Variants in XRCC4 observed in about 807,000 individuals in gnomAD.
The protein encoded by XRCC4 is X-ray repair cross complementing 4, also known as DNA repair protein XRCC4.
XRCC4 carries 28 observed loss-of-function variants against 39.1 expected under a neutral mutation model. The ratio of observed to expected loss-of-function variants is 0.72; its 90% CI spans 0.53 to 0.98. XRCC4 has a LOEUF of 0.98. XRCC4 is among the 50% of genes least tolerant of loss of function. The pLI is 0.00. For synonymous variants in XRCC4, 123 were observed against 126.4 expected, an observed-to-expected ratio of 0.97 and a Z score of 0.18; for missense variants, 350 against 376.4, an observed-to-expected ratio of 0.93 and a Z score of 0.58.
chr5:83,267,156 A>G (rs1753984808), intron 7 of XRCC4, among the ~76,000 whole-genome samples: 1 of 152,196 alleles, frequency 6.6e-6, no homozygotes, highest in Non-Finnish European at 1.5e-5. Context: ...ATAAAATCAG[A>G]GAAGACTGAC....
Position 83,342,361 on chromosome 5 carries a change from ATG to A in XRCC4, c.894-10768_894-10767del, listed in dbSNP as rs1756787089. Among the ~76,000 whole-genome samples, 3 of 152,270 alleles carry A rather than the reference ATG, an allele frequency of 2.0e-5. No individual in the cohort carries two copies. The South Asian group carries it at 6.2e-4, about 32-fold the overall frequency. On this transcript the variant is annotated intron_variant, in intron 7 of 7. Coordinates refer to ENST00000396027, the MANE Select transcript of XRCC4 (RefSeq NM_003401.5). ...AATCTTATTTTTAAATCTGTAATAT[ATG>A]TATATTTTACAGGAAAATTTTAGAT...
At chr5:83,274,292 A>G (rs768358732) in intron 7 of XRCC4, among the ~76,000 whole-genome samples, 25 of 152,238 alleles carry the variant, frequency 1.6e-4, no homozygotes, top group Non-Finnish European at 2.8e-4. Flanking sequence ...TTAATAATTT[A>G]TAATCTAATT....
chr5:83,344,415 C>CTT lies in XRCC4; in HGVS notation c.894-8694_894-8693dup, dbSNP rs70973394. Among the ~76,000 whole-genome samples the CTT allele has an allele frequency of 5.0e-3, 581 of 115,194 alleles. 4 individuals carry two copies. Among genetic ancestry groups the CTT allele is most frequent in the African/African-American group, 9.4e-3 (257 of 27,242 alleles). The allele number at this position is 115,194 out of a possible 152,430, so 75.6% of individuals were successfully genotyped here. The stretch of plus-strand genomic sequence containing the variant: ...CCACACCCAGCTAATTTATTTTTCA[C>CTT]TTTTTTTTTTTTTTTTTTTTTTTGT... On this transcript the variant is annotated intron_variant, in intron 7 of 7. Transcript: ENST00000396027.
chr5:83,287,203 T>G (rs1468984532), intron 7 of XRCC4, among the ~76,000 whole-genome samples: 1 of 152,044 alleles, frequency 6.6e-6, no homozygotes, highest in Non-Finnish European at 1.5e-5. Context: ...GGGCATGAAT[T>G]TTGAAAAGAT....
chr5:83,290,018 CCAG>C (rs1279439644), intron 7 of XRCC4, among the ~76,000 whole-genome samples: 1 of 151,824 alleles, frequency 6.6e-6, no homozygotes, highest in Non-Finnish European at 1.5e-5. Flanking sequence ...CATTAAGTCT[CCAG>C]CAGTTCATTA....
chr5:83,320,524 T>A (rs57444376), intron 7 of XRCC4, among the ~76,000 whole-genome samples: 3,097 of 152,110 alleles, frequency 0.02, 109 homozygotes, highest in African/African-American at 0.07. Context: ...TGACTCCAAT[T>A]TTGAAAGAAG....
intron 1 of XRCC4, among the ~76,000 whole-genome samples, chr5:83,099,841 A>G (rs1018668845): frequency 1.1e-4 from 16 of 152,174 alleles, no homozygotes; most frequent in Admixed American, 1.0e-3. Flanking sequence ...CGTTTCTTCA[A>G]GTAGTCTTGG....
intron 7 of XRCC4, among the ~76,000 whole-genome samples, chr5:83,332,411 G>T (rs1561479538): frequency 1.3e-5 from 2 of 152,092 alleles, no homozygotes. Flanking sequence ...CATAGCATCT[G>T]TTTTAGATTG....
chr5:83,215,860 C>A (rs1273651520), intron 6 of XRCC4, among the ~76,000 whole-genome samples: 5 of 151,972 alleles, frequency 3.3e-5, no homozygotes, highest in Non-Finnish European at 5.9e-5. Flanking sequence ...ATAGCTAAAC[C>A]TATTAAAGAA....
At chr5:83,154,764 C>T (rs1561367618) in intron 3 of XRCC4, among the ~76,000 whole-genome samples, 1 of 151,992 alleles carries the variant, frequency 6.6e-6, no homozygotes, top group Admixed American at 6.6e-5. Flanking sequence ...TTGATATCTA[C>T]CCTTGACAAA....
chr5:83,372,077 G>A, the XRCC4 span, among the ~76,000 whole-genome samples: 1 of 152,126 alleles, frequency 6.6e-6, no homozygotes, highest in Non-Finnish European at 1.5e-5. Context: ...GCACTGGGGT[G>A]CAGGAAATCC....
chr5:83,172,204 C>G lies in XRCC4; in HGVS notation c.316-23566C>G, dbSNP rs549665880. ...TGTCAGTGTTTATATGTTCAGTCTT[C>G]TGAACTACACTGAGAGAAAATAGGG... On this transcript the variant is annotated intron_variant, in intron 3 of 7. Transcript: ENST00000396027. Among the ~76,000 whole-genome samples the G allele has an allele frequency of 2.0e-5, 3 of 152,172 alleles. No individual in the cohort carries two copies. In the East Asian group the frequency reaches 5.8e-4, roughly 29 times the overall value.
At chr5:83,344,304 A>T (rs1191656881) in intron 7 of XRCC4, among the ~76,000 whole-genome samples, 2 of 151,816 alleles carry the variant, frequency 1.3e-5, no homozygotes, top group Non-Finnish European at 2.9e-5. Flanking sequence ...TGGCATGATC[A>T]TAGTTCACTG....
At position 83,150,707 on chromosome 5, in the gene XRCC4, T is replaced by C. The variant is rs1030298803; in HGVS notation, c.315+39504T>C. Among the ~76,000 whole-genome samples the C allele has an allele frequency of 2.0e-5, 3 of 152,302 alleles. No homozygotes were observed. In the South Asian group the frequency reaches 6.2e-4, roughly 32 times the overall value. Reference sequence around the variant, plus strand: ...TGTGATTTATTCCAAAAATGTATCCTAGCCTTTTTGAAATTTATTCTATGT... The same window carrying C: ...TGTGATTTATTCCAAAAATGTATCCCAGCCTTTTTGAAATTTATTCTATGT... On this transcript the variant is annotated intron_variant, in intron 3 of 7. Coordinates refer to ENST00000396027, the MANE Select transcript of XRCC4 (RefSeq NM_003401.5).
At chr5:83,095,705 C>T (rs528662257) in intron 1 of XRCC4, among the ~76,000 whole-genome samples, 1 of 152,142 alleles carries the variant, frequency 6.6e-6, no homozygotes, top group Non-Finnish European at 1.5e-5. Flanking sequence ...CAAGTCTGTC[C>T]CAGTGCACAG....
At chr5:83,369,457 T>G in the XRCC4 span, among the ~76,000 whole-genome samples, 10 of 152,202 alleles carry the variant, frequency 6.6e-5, no homozygotes, top group Non-Finnish European at 1.3e-4. Context: ...TGTGTCCCTG[T>G]GTACCCAATG....
intron 1 of XRCC4, among the ~76,000 whole-genome samples, chr5:83,095,830 A>G (rs1366898481): frequency 1.3e-5 from 2 of 152,108 alleles, no homozygotes; most frequent in African/African-American, 4.8e-5. Flanking sequence ...AGGAGCTGGC[A>G]AGCCTATTCC....
At chr5:83,241,083 A>T (rs1752889969) in intron 6 of XRCC4, among the ~76,000 whole-genome samples, 1 of 152,090 alleles carries the variant, frequency 6.6e-6, no homozygotes, top group Admixed American at 6.5e-5. Context: ...TAAAAATACA[A>T]AAATTGGCAA....
At chr5:83,196,517 T>A (rs28360142) in intron 4 of XRCC4, among the ~76,000 whole-genome samples, 173 of 152,056 alleles carry the variant, frequency 1.1e-3, no homozygotes, top group Middle Eastern at 0.01. Flanking sequence ...AATTTTTTTT[T>A]AAATTATGAA....
Sources: allele counts gnomAD v4.1 joint callset (sites outside exome capture counted in the v4.1 genomes callset), GRCh38; gene constraint gnomAD v4.1.1; transcripts MANE v1.5; gene names NCBI Gene and HGNC (gene_info 2026-07-23, HGNC 2026-07-21).